PAFAH1B1: variants seen among roughly 807,000 people sequenced by gnomAD.
PAFAH1B1 encodes platelet-activating factor acetylhydrolase IB subunit beta.
Under a neutral mutation model 57.5 loss-of-function variants are expected in PAFAH1B1, and 2 were observed. That is an observed-to-expected ratio of 0.03 (90% CI 0.01 to 0.11). The LOEUF (loss-of-function observed/expected upper bound fraction) is 0.11, where lower values mean the gene tolerates loss of function less well. Ranked by LOEUF, PAFAH1B1 falls within the 10% of genes least tolerant of loss-of-function variation. The pLI is 1.00. For missense variants in PAFAH1B1, 257 were observed against 512.0 expected (o/e 0.50, Z 4.81); for synonymous variants, 152 against 169.6 (o/e 0.90, Z 0.81).
intron 2 of PAFAH1B1, among the ~76,000 whole-genome samples, chr17:2,663,922 C>T (rs1375942072): frequency 1.3e-5 from 2 of 151,488 alleles, no homozygotes; most frequent in African/African-American, 2.4e-5. Flanking sequence ...CTCGAGCTCC[C>T]GACCTCGTGA....
chr17:2,643,187 G>A lies in PAFAH1B1; in HGVS notation c.32+4867G>A, dbSNP rs575184152. On this transcript the variant is annotated intron_variant, in intron 2 of 10. Coordinates refer to ENST00000397195, the MANE Select transcript of PAFAH1B1 (RefSeq NM_000430.4). Reference sequence around the variant, plus strand: ...GGCTCACTGCAGCCTTGACCTCCTGGGCTAAAGCGATTGTTACACCTCAGC... The same window carrying A: ...GGCTCACTGCAGCCTTGACCTCCTGAGCTAAAGCGATTGTTACACCTCAGC... Among the ~76,000 whole-genome samples, 331 of 152,118 alleles carry A rather than the reference G, an allele frequency of 2.2e-3. 1 individual carries two copies. The highest frequency in any genetic ancestry group is 7.6e-3 in the African/African-American group (314 of 41,516).
chr17:2,630,156 TTTG>T (rs1213496907), intron 1 of PAFAH1B1, among the ~76,000 whole-genome samples: 4 of 152,210 alleles, frequency 2.6e-5, no homozygotes, highest in Non-Finnish European at 2.9e-5. Context: ...TTTGGGTTTT[TTTG>T]TTTTTTGCTT....
chr17:2,609,954 C>T (rs949263902), intron 1 of PAFAH1B1, among the ~76,000 whole-genome samples: 3 of 152,118 alleles, frequency 2.0e-5, no homozygotes, highest in African/African-American at 7.2e-5. Flanking sequence ...CCTCCCAAGT[C>T]GCTGGGATTA....
intron 1 of PAFAH1B1, among the ~76,000 whole-genome samples, chr17:2,626,732 T>A (rs1247393501): frequency 6.6e-6 from 1 of 151,840 alleles, no homozygotes; most frequent in Non-Finnish European, 1.5e-5. Flanking sequence ...TTTTTGTATT[T>A]TTAGTAGAGA....
At chr17:2,652,227 G>A (rs535727625) in intron 2 of PAFAH1B1, among the ~76,000 whole-genome samples, 264 of 151,826 alleles carry the variant, frequency 1.7e-3, no homozygotes, top group African/African-American at 2.6e-3. Context: ...TGGCTAACAC[G>A]GTGAAACCCC....
At chr17:2,620,810 C>T (rs753087660) in intron 1 of PAFAH1B1, among the ~76,000 whole-genome samples, 1 of 151,474 alleles carries the variant, frequency 6.6e-6, no homozygotes, top group Non-Finnish European at 1.5e-5. Context: ...TGCGGTGAGC[C>T]GAGATCACAC....
At chr17:2,621,621 T>G (rs1476882421) in intron 1 of PAFAH1B1, among the ~76,000 whole-genome samples, 1 of 65,006 alleles carries the variant, frequency 1.5e-5, no homozygotes, top group African/African-American at 4.6e-5. Flanking sequence ...TTTTTTTTTT[T>G]TTTTTTTTTT....
chr17:2,630,059 G>C (rs2068536340), intron 1 of PAFAH1B1, among the ~76,000 whole-genome samples: 2 of 152,164 alleles, frequency 1.3e-5, no homozygotes, highest in Non-Finnish European at 2.9e-5. Context: ...CATCTTTTAA[G>C]TGGAGTATTT....
chr17:2,630,283 A>T (rs1401932037), intron 1 of PAFAH1B1, among the ~76,000 whole-genome samples: 1 of 152,178 alleles, frequency 6.6e-6, no homozygotes, highest in Non-Finnish European at 1.5e-5. Flanking sequence ...TCCGTTTAGC[A>T]GTTCTTGTAA....
chr17:2,673,108 A>G (rs1016928348), intron 7 of PAFAH1B1, among the ~76,000 whole-genome samples: 8 of 152,192 alleles, frequency 5.3e-5, no homozygotes, highest in Non-Finnish European at 1.0e-4. Context: ...ACATATTTAT[A>G]AAAAACAAAA....
At chr17:2,602,234 A>G (rs577450743) in intron 1 of PAFAH1B1, among the ~76,000 whole-genome samples, 4 of 151,000 alleles carry the variant, frequency 2.6e-5, no homozygotes, top group African/African-American at 9.6e-5. Context: ...CTTAAAGAGA[A>G]ATTATCTCCA....
chr17:2,614,119 C>T (rs895094378), intron 1 of PAFAH1B1, among the ~76,000 whole-genome samples: 1 of 143,204 alleles, frequency 7.0e-6, no homozygotes, highest in African/African-American at 2.6e-5. Context: ...GCCTCAACCT[C>T]CCAGGCTCAA....
intron 1 of PAFAH1B1, among the ~76,000 whole-genome samples, chr17:2,625,538 T>C (rs1447198466): frequency 1.3e-5 from 2 of 152,220 alleles, no homozygotes; most frequent in East Asian, 1.9e-4. Flanking sequence ...TATGAAAATA[T>C]TGCCTGATTT....
intron 2 of PAFAH1B1, among the ~76,000 whole-genome samples, chr17:2,664,563 G>A (rs1440561317): frequency 6.6e-6 from 1 of 151,720 alleles, no homozygotes; most frequent in Non-Finnish European, 1.5e-5. Context: ...TTGCCACCAC[G>A]CCAGCTAATT....
At chr17:2,650,694 G>A (rs1465050721) in intron 2 of PAFAH1B1, among the ~76,000 whole-genome samples, 2 of 151,210 alleles carry the variant, frequency 1.3e-5, no homozygotes, top group African/African-American at 4.9e-5. Flanking sequence ...TTTTATGTGG[G>A]TATATAAAAG....
At chr17:2,614,849 A>C (rs1054997279) in intron 1 of PAFAH1B1, among the ~76,000 whole-genome samples, 1 of 152,274 alleles carries the variant, frequency 6.6e-6, no homozygotes, top group South Asian at 2.1e-4. Flanking sequence ...CAGCCTCCAA[A>C]GGGGCAAAGA....
chr17:2,621,175 G>C (rs1449368327), intron 1 of PAFAH1B1, among the ~76,000 whole-genome samples: 1 of 151,910 alleles, frequency 6.6e-6, no homozygotes, highest in Non-Finnish European at 1.5e-5. Context: ...TTGTTACATA[G>C]GTTAAGCCTA....
intron 2 of PAFAH1B1, among the ~76,000 whole-genome samples, chr17:2,642,663 A>T (rs1215452228): frequency 6.6e-6 from 1 of 152,338 alleles, no homozygotes; most frequent in East Asian, 1.9e-4. Flanking sequence ...TACTTCCACG[A>T]AGACCAGACA....
At chr17:2,618,523 T>TA (rs972799617) in intron 1 of PAFAH1B1, among the ~76,000 whole-genome samples, 56 of 152,288 alleles carry the variant, frequency 3.7e-4, no homozygotes, top group African/African-American at 1.3e-3. Flanking sequence ...TGGATTTAGC[T>TA]AAAGACTGGA....
Sources: gnomAD v4.1 joint callset for allele counts (sites outside exome capture counted in the v4.1 genomes callset) on GRCh38, gnomAD v4.1.1 for gene constraint, MANE v1.5 for transcripts, NCBI Gene and HGNC (gene_info 2026-07-23, HGNC 2026-07-21) for gene names.